CORO1C: variants seen among roughly 807,000 people sequenced by gnomAD.
CORO1C encodes the protein coronin-1C.
CORO1C carries 14 observed loss-of-function variants against 51.2 expected under a neutral mutation model. The observed-to-expected ratio is 0.27, with a 90% confidence interval of 0.18 to 0.43. CORO1C has a LOEUF of 0.43. CORO1C is among the 20% of genes least tolerant of loss of function. The pLI is 1.00. For missense variants in CORO1C, 417 were observed against 607.8 expected, an observed-to-expected ratio of 0.69 and a Z score of 3.30; for synonymous variants, 181 against 210.5, an observed-to-expected ratio of 0.86 and a Z score of 1.21.
intron 2 of CORO1C, among the ~76,000 whole-genome samples, chr12:108,689,842 T>C (rs974649550): frequency 6.6e-6 from 1 of 152,226 alleles, no homozygotes; most frequent in African/African-American, 2.4e-5. Flanking sequence ...GGGTGATACA[T>C]ACTGAGAATT....
Position 108,647,513 on chromosome 12 carries a change from C to A in CORO1C, c.1315G>T (p.Ala439Ser), listed in dbSNP as rs151306281. The A allele has an allele frequency of 3.7e-6, 6 of 1,600,092 alleles. No homozygotes were observed. The African/African-American group carries it at 8.1e-5, about 22-fold the overall frequency. The change falls in exon 11 of 11, where the codon GCC (alanine) becomes TCC (serine). Residue 439 changes from alanine to serine, a missense_variant. Transcript: ENST00000261401. ...TCTTTTAAAATCTCATCCAACTTGG[C>A]TTCATTTTGCTAAGAAAACAAAAAA... is the stretch of plus-strand genomic sequence containing the variant. ...TTDTASVQNE[A>S]KLDEILKEIK...
chr12:108,656,383 G>C (rs1264218744), intron 6 of CORO1C, among the ~76,000 whole-genome samples: 1 of 147,336 alleles, frequency 6.8e-6, no homozygotes, highest in South Asian at 2.2e-4. Context: ...GGAGGGAGGT[G>C]GGGGGGCAGC....
At chr12:108,701,629 G>T (rs1157951021) in intron 1 of CORO1C, 1 of 361,690 alleles carries the variant, frequency 2.8e-6, no homozygotes, top group Non-Finnish European at 5.2e-6. Context: ...AGCCTTTCAG[G>T]GTTGGGTGGG....
intron 3 of CORO1C, among the ~76,000 whole-genome samples, chr12:108,676,176 A>C (rs1458557937): frequency 6.6e-6 from 1 of 152,118 alleles, no homozygotes; most frequent in East Asian, 1.9e-4. Flanking sequence ...AAGTCAGGAG[A>C]GTGGTTACTT....
intron 2 of CORO1C, among the ~76,000 whole-genome samples, chr12:108,683,300 T>C (rs1359612294): frequency 6.6e-6 from 1 of 151,958 alleles, no homozygotes; most frequent in Non-Finnish European, 1.5e-5. Flanking sequence ...GTGCCTGTAA[T>C]TCCAGCTACT....
At chr12:108,657,233 C>A in intron 6 of CORO1C, 71 bp downstream of exon 6, 1 of 1,534,196 alleles carries the variant, frequency 6.5e-7, no homozygotes, top group South Asian at 1.3e-5. Context: ...TCTACTTACT[C>A]ACTGGAAGAC....
intron 1 of CORO1C, chr12:108,702,694 G>C: frequency 8.1e-7 from 1 of 1,241,118 alleles, no homozygotes; most frequent in Non-Finnish European, 1.1e-6. Flanking sequence ...CGAGACACAT[G>C]GTGGGCTGTT....
chr12:108,655,872 G>A (rs1252477185), intron 6 of CORO1C, among the ~76,000 whole-genome samples: 11 of 151,408 alleles, frequency 7.3e-5, no homozygotes, highest in East Asian at 3.9e-4. Context: ...CCCTCTGCCC[G>A]GCTGCCCAGT....
chr12:108,701,628 GGGTT>G, intron 1 of CORO1C: 1 of 364,206 alleles, frequency 2.7e-6, no homozygotes, highest in Non-Finnish European at 5.2e-6. Context: ...TAGCCTTTCA[GGGTT>G]GGGTGGGAGC....
At chr12:108,662,316 G>A (rs563900752) in intron 3 of CORO1C, among the ~76,000 whole-genome samples, 158 bp from the exon 4 acceptor site, 4 of 151,442 alleles carry the variant, frequency 2.6e-5, no homozygotes, top group African/African-American at 4.9e-5. Context: ...CGTGTTAGGC[G>A]GTTTTTTTTT....
chr12:108,721,860 C>T (rs2035481313), intron 1 of CORO1C, among the ~76,000 whole-genome samples: 1 of 152,044 alleles, frequency 6.6e-6, no homozygotes, highest in Admixed American at 6.6e-5. Context: ...GTCACAGAAA[C>T]CAAGCCACTT....
intron 6 of CORO1C, among the ~76,000 whole-genome samples, chr12:108,655,670 G>A (rs149507463): frequency 0.019 from 2,855 of 152,362 alleles, 80 homozygotes; most frequent in African/African-American, 0.065. Flanking sequence ...ACGGAGTCTC[G>A]TTCACTCAGT....
At chr12:108,721,660 T>C (rs1397896790) in intron 1 of CORO1C, among the ~76,000 whole-genome samples, 1 of 152,168 alleles carries the variant, frequency 6.6e-6, no homozygotes, top group Non-Finnish European at 1.5e-5. Flanking sequence ...TTGAAACCAG[T>C]AGTTCAAACC....
intron 3 of CORO1C, among the ~76,000 whole-genome samples, chr12:108,669,887 G>C (rs968224827): frequency 6.6e-6 from 1 of 152,000 alleles, no homozygotes; most frequent in Non-Finnish European, 1.5e-5. Flanking sequence ...CATGATATAG[G>C]GGATATTAAG....
At chr12:108,679,803 TA>T (rs1480408854) in intron 2 of CORO1C, among the ~76,000 whole-genome samples, 1 of 152,240 alleles carries the variant, frequency 6.6e-6, no homozygotes. Flanking sequence ...CAGGTGACTT[TA>T]GACAAGTCAT....
At chr12:108,701,469 T>C in intron 1 of CORO1C, 146 bp from the exon 2 acceptor site, 1 of 1,335,486 alleles carries the variant, frequency 7.5e-7, no homozygotes, top group Non-Finnish European at 1.0e-6. Context: ...GCAATCCAAA[T>C]TTCTTTTAGC....
At chr12:108,670,834 A>G (rs1392410324) in intron 3 of CORO1C, among the ~76,000 whole-genome samples, 1 of 152,054 alleles carries the variant, frequency 6.6e-6, no homozygotes, top group Non-Finnish European at 1.5e-5. Context: ...AAATAAGAAA[A>G]CAATATATAA....
At chr12:108,702,259 A>C (rs909650577) in intron 1 of CORO1C, among the ~76,000 whole-genome samples, 3 of 152,186 alleles carry the variant, frequency 2.0e-5, no homozygotes, top group African/African-American at 4.8e-5. Flanking sequence ...CTAGGAAAGG[A>C]AAAATGCAGG....
chr12:108,655,925 A>G (rs1168651538), intron 6 of CORO1C, among the ~76,000 whole-genome samples: 6 of 130,944 alleles, frequency 4.6e-5, no homozygotes, highest in South Asian at 2.5e-4. Context: ...CATCCCGTCT[A>G]GGAAGTGAGG....
Sources: gnomAD v4.1 joint callset for allele counts (sites outside exome capture counted in the v4.1 genomes callset) on GRCh38, gnomAD v4.1.1 for gene constraint, MANE v1.5 for transcripts, NCBI Gene and HGNC (gene_info 2026-07-23, HGNC 2026-07-21) for gene names.